The following OPRD1 variants were observed in gnomAD, a reference collection of about 807,000 sequenced individuals.
The protein encoded by OPRD1 is opioid receptor delta 1.
OPRD1 carries 19 observed loss-of-function variants against 17.5 expected under a neutral mutation model. The observed-to-expected ratio is 1.09, with a 90% confidence interval of 0.76 to 1.60. OPRD1 has a LOEUF of 1.60. OPRD1 is among the 40% of genes most tolerant of loss of function. The pLI is 0.00. For missense variants in OPRD1, 483 were observed against 547.2 expected (o/e 0.88, Z 1.17); for synonymous variants, 256 against 240.9 (o/e 1.06, Z -0.58).
intron 2 of OPRD1, among the ~76,000 whole-genome samples, chr1:28,860,116 G>A (rs1021443758): frequency 6.6e-6 from 1 of 152,210 alleles, no homozygotes; most frequent in Admixed American, 6.5e-5. Flanking sequence ...TGTAATCCCA[G>A]CATTTTGGGA....
At chr1:28,813,706 G>T (rs2088650478) in intron 1 of OPRD1, among the ~76,000 whole-genome samples, 1 of 152,126 alleles carries the variant, frequency 6.6e-6, no homozygotes, top group African/African-American at 2.4e-5. Flanking sequence ...TTGAAAATGG[G>T]TCCTTCATGC....
chr1:28,863,375 G>C lies in OPRD1; in HGVS notation c.*92G>C. On this transcript the variant is annotated 3_prime_UTR_variant, in exon 3 of 3. Transcript: ENST00000234961. ...GGCGCGAGCCATGATGTGGAGTGGG[G>C]CAGTAGAAGGTCGGAGGCTTGGGAC... 7.5e-7 allele frequency: 1 copy of C among 1,334,132 alleles called. No homozygotes were observed. The highest frequency in any genetic ancestry group is 2.9e-5 in the East Asian group (1 of 34,570). 82.6% of individuals were successfully genotyped at this position (1,334,132 alleles called of 1,614,324 possible).
intron 1 of OPRD1, among the ~76,000 whole-genome samples, chr1:28,853,527 G>A (rs2089026817): frequency 6.6e-6 from 1 of 152,174 alleles, no homozygotes; most frequent in African/African-American, 2.4e-5. Flanking sequence ...TATCTAAAAT[G>A]GATGAATCAA....
At chr1:28,842,267 C>A (rs2088902545) in intron 1 of OPRD1, among the ~76,000 whole-genome samples, 1 of 152,170 alleles carries the variant, frequency 6.6e-6, no homozygotes, top group Admixed American at 6.6e-5. Flanking sequence ...TGAGCTCAAG[C>A]AATTCACCTG....
rs1007556443 is a variant in OPRD1, at chr1:28,833,069, C to G, written c.227+20459C>G. On this transcript the variant is annotated intron_variant, in intron 1 of 2. Transcript: ENST00000234961. ...GTGGAAAAAATGAGCCTGTGTTTGA[C>G]AAGATTAGAAGGCTCTCTACAGGAG... Among the ~76,000 whole-genome samples, 35 of 152,136 alleles carry G rather than the reference C, an allele frequency of 2.3e-4. 1 individual carries two copies. Among genetic ancestry groups the G allele is most frequent in the Admixed American group, 6.5e-5 (1 of 15,274 alleles).
Position 28,835,810 on chromosome 1 carries a change from A to G in OPRD1, c.228-23144A>G, listed in dbSNP as rs116610185. Among the ~76,000 whole-genome samples the G allele has an allele frequency of 4.3e-3, 657 of 152,292 alleles. 5 individuals are homozygous for G. The highest frequency in any genetic ancestry group is 0.015 in the African/African-American group (639 of 41,560). On this transcript the variant is annotated intron_variant, in intron 1 of 2. Coordinates refer to ENST00000234961, the MANE Select transcript of OPRD1 (RefSeq NM_000911.4). ...TTAGGAGTGTGGGTTCTGGAGTCCA[A>G]GGAACCTGAGACCCAAGCTAGGCCC...
At chr1:28,857,968 T>A (rs1464013612) in intron 1 of OPRD1, among the ~76,000 whole-genome samples, 1 of 151,616 alleles carries the variant, frequency 6.6e-6, no homozygotes, top group East Asian at 1.9e-4. Flanking sequence ...AATTTTTGTA[T>A]TTTTTGTAGA....
At chr1:28,847,118 C>T (rs527565822) in intron 1 of OPRD1, among the ~76,000 whole-genome samples, 1 of 151,658 alleles carries the variant, frequency 6.6e-6, no homozygotes, top group Admixed American at 6.6e-5. Flanking sequence ...GTGGCGCGAT[C>T]TCAGCTCACT....
At position 28,818,829 on chromosome 1, in the gene OPRD1, C is replaced by T. The variant is rs949969621; in HGVS notation, c.227+6219C>T. Among the ~76,000 whole-genome samples the T allele has an allele frequency of 4.6e-5, 7 of 152,124 alleles. No individual in the cohort carries two copies. The East Asian group carries it at 1.2e-3, about 25-fold the overall frequency. On this transcript the variant is annotated intron_variant, in intron 1 of 2. Transcript: ENST00000234961. The stretch of plus-strand genomic sequence containing the variant: ...AGGAGAGGCCTGGAGGCAGGCCCAG[C>T]ATGACTGTGTGAGGAGCCAGAGGCC...
intron 1 of OPRD1, among the ~76,000 whole-genome samples, chr1:28,832,552 G>C (rs907055736): frequency 2.0e-5 from 3 of 152,042 alleles, no homozygotes; most frequent in Admixed American, 1.3e-4. Context: ...GGGAGCTGGC[G>C]GCTGCAGTGA....
chr1:28,826,269 T>C (rs1295181958), intron 1 of OPRD1, among the ~76,000 whole-genome samples: 1 of 152,180 alleles, frequency 6.6e-6, no homozygotes, highest in Non-Finnish European at 1.5e-5. Flanking sequence ...ATGCTTGTAA[T>C]CCCAGCACTT....
rs142941622 is a variant in OPRD1 at position 28,865,495 on chromosome 1, C to T, written c.*2212C>T. The T allele has an allele frequency of 1.6e-3, 245 of 152,266 alleles. 1 individual carries two copies. The highest frequency in any genetic ancestry group is 7.9e-4 in the Non-Finnish European group (54 of 68,028). The allele number at this position is 152,266 out of a possible 1,614,324, so 9.4% of individuals were successfully genotyped here. ...CTTAGGCACCAAGAGGGGCTTTGGG[C>T]ACATTAGGGGGAAGGGATGCTCTCA... is the stretch of plus-strand genomic sequence containing the variant. On this transcript the variant is annotated 3_prime_UTR_variant, in exon 3 of 3. Transcript: ENST00000234961.
intron 1 of OPRD1, among the ~76,000 whole-genome samples, chr1:28,819,988 A>G (rs1447299997): frequency 2.0e-5 from 3 of 152,134 alleles, no homozygotes; most frequent in African/African-American, 7.2e-5. Context: ...CCTCAGCTTT[A>G]TCATCTGTGA....
chr1:28,839,004 C>T (rs931693499), intron 1 of OPRD1, among the ~76,000 whole-genome samples: 5 of 152,090 alleles, frequency 3.3e-5, no homozygotes, highest in Middle Eastern at 3.2e-3. Flanking sequence ...CTTGAACTTC[C>T]GGGCTCAAGT....
intron 1 of OPRD1, among the ~76,000 whole-genome samples, chr1:28,819,762 G>T (rs948007103): frequency 6.6e-6 from 1 of 152,142 alleles, no homozygotes; most frequent in East Asian, 1.9e-4. Context: ...ATGACATGGC[G>T]GAATGGAGGC....
intron 1 of OPRD1, among the ~76,000 whole-genome samples, chr1:28,830,210 C>T (rs1376397121): frequency 6.6e-6 from 1 of 151,926 alleles, no homozygotes. Flanking sequence ...CACTCCAAAA[C>T]AATTACAGTG....
intron 1 of OPRD1, among the ~76,000 whole-genome samples, chr1:28,821,935 C>A (rs181816284): frequency 6.7e-6 from 1 of 150,298 alleles, no homozygotes; most frequent in Non-Finnish European, 1.5e-5. Flanking sequence ...TGTGTGTTTG[C>A]GCACATCTCA....
intron 1 of OPRD1, among the ~76,000 whole-genome samples, chr1:28,833,400 T>C (rs1269884711): frequency 6.6e-6 from 1 of 152,210 alleles, no homozygotes; most frequent in Non-Finnish European, 1.5e-5. Context: ...TTCAGGGAGT[T>C]GGCTTATACC....
In OPRD1 at chr1:28,868,839, G is replaced by GA. The variant is rs11309876; in HGVS notation, c.*5570dup. ...TGGGCGACAGAGCGAGACTCTGTCT[G>GA]AAAAAAAAAAAAAATTAAAAAGAAA... On this transcript the variant is annotated 3_prime_UTR_variant, in exon 3 of 3. Transcript: ENST00000234961. 0.013 allele frequency: 1,808 copies of GA among 141,100 alleles called. 20 individuals are homozygous for GA. Among genetic ancestry groups the GA allele is most frequent in the East Asian group, 0.081 (398 of 4,884 alleles). The allele number at this position is 141,100 out of a possible 1,614,324, so 8.7% of individuals were successfully genotyped here. A position where few individuals can be genotyped will look rare whatever the true frequency, so the allele number is the denominator to read the frequency against.
Sources: gnomAD v4.1 joint callset for allele counts (sites outside exome capture counted in the v4.1 genomes callset) on GRCh38, gnomAD v4.1.1 for gene constraint, MANE v1.5 for transcripts, NCBI Gene and HGNC (gene_info 2026-07-23, HGNC 2026-07-21) for gene names.